PPARGC1A: variants seen among roughly 807,000 people sequenced by gnomAD.
PPARGC1A encodes PPARG coactivator 1 alpha.
PPARGC1A carries 25 observed loss-of-function variants against 88.7 expected under a neutral mutation model. The observed-to-expected ratio is 0.28, with a 90% CI of 0.21 to 0.39. The LOEUF (loss-of-function observed/expected upper bound fraction) is 0.39, where lower values mean the gene tolerates loss of function less well. Ranked by LOEUF, PPARGC1A falls within the 10% of genes least tolerant of loss-of-function variation. PPARGC1A has a pLI of 1.00. For synonymous variants in PPARGC1A, 363 were observed against 355.6 expected (o/e 1.02, Z -0.24); for missense variants, 880 against 968.7 (o/e 0.91, Z 1.22).
At chr4:24,024,638 C>T in the PPARGC1A span, among the ~76,000 whole-genome samples, 4 of 152,140 alleles carry the variant, frequency 2.6e-5, no homozygotes, top group Admixed American at 1.3e-4. Context: ...CAGACTTTAA[C>T]GGTTCTCTGG....
chr4:24,462,552 G>C, the PPARGC1A span, among the ~76,000 whole-genome samples: 1 of 152,006 alleles, frequency 6.6e-6, no homozygotes, highest in South Asian at 2.1e-4. Context: ...TGTGACCTTG[G>C]CTACGTTACT....
At chr4:23,961,077 G>A in the PPARGC1A span, among the ~76,000 whole-genome samples, 13 of 152,112 alleles carry the variant, frequency 8.5e-5, no homozygotes, top group East Asian at 1.9e-4. Flanking sequence ...TCTAGAAAGC[G>A]CTTTTAAAAA....
the PPARGC1A span, among the ~76,000 whole-genome samples, chr4:24,035,167 G>A: frequency 1.3e-5 from 2 of 152,174 alleles, no homozygotes; most frequent in Non-Finnish European, 2.9e-5. Flanking sequence ...CCATAGGCAT[G>A]TAATAGTATG....
the PPARGC1A span, among the ~76,000 whole-genome samples, chr4:24,031,788 C>A: frequency 5.3e-5 from 8 of 152,156 alleles, no homozygotes; most frequent in Non-Finnish European, 1.0e-4. Flanking sequence ...ATGATAGTTC[C>A]CCTGGTAATC....
the PPARGC1A span, among the ~76,000 whole-genome samples, chr4:24,031,647 A>C: frequency 6.6e-6 from 1 of 152,124 alleles, no homozygotes; most frequent in Non-Finnish European, 1.5e-5. Flanking sequence ...ACATTGTTCG[A>C]TGTTTAACAT....
chr4:24,224,313 A>G, the PPARGC1A span, among the ~76,000 whole-genome samples: 1 of 152,340 alleles, frequency 6.6e-6, no homozygotes, highest in Admixed American at 6.5e-5. Flanking sequence ...AGGTACTCAA[A>G]AATGGGAAAG....
At chr4:24,116,383 G>A in the PPARGC1A span, among the ~76,000 whole-genome samples, 1 of 152,134 alleles carries the variant, frequency 6.6e-6, no homozygotes, top group East Asian at 1.9e-4. Flanking sequence ...ATATACACGT[G>A]AACTTCAGGT....
the PPARGC1A span, among the ~76,000 whole-genome samples, chr4:24,210,596 G>A: frequency 7.9e-5 from 12 of 152,154 alleles, no homozygotes; most frequent in Non-Finnish European, 1.3e-4. Context: ...CACTGACCAC[G>A]CAGAGGGGCA....
the PPARGC1A span, among the ~76,000 whole-genome samples, chr4:23,996,729 A>C: frequency 6.6e-6 from 1 of 152,246 alleles, no homozygotes; most frequent in Non-Finnish European, 1.5e-5. Flanking sequence ...CCAATATTTT[A>C]GGTATACAAT....
At chr4:24,151,861 T>C in the PPARGC1A span, among the ~76,000 whole-genome samples, 4 of 152,250 alleles carry the variant, frequency 2.6e-5, no homozygotes, top group South Asian at 8.3e-4. Context: ...AAGTACCTCA[T>C]ACTTAGGCAG....
At chr4:24,091,928 T>TACACACACACACACACACACACACAC in the PPARGC1A span, among the ~76,000 whole-genome samples, 145 of 147,832 alleles carry the variant, frequency 9.8e-4, no homozygotes, top group African/African-American at 3.4e-3. Flanking sequence ...CTTGCCCCAA[T>TACACACACACACACACACACACACAC]ACACACACAC....
chr4:23,820,920 T>G (rs1303516800), intron 7 of PPARGC1A, among the ~76,000 whole-genome samples: 1 of 152,158 alleles, frequency 6.6e-6, no homozygotes, highest in East Asian at 1.9e-4. Context: ...GGGTCACTTC[T>G]GCTGCTGCAG....
At chr4:23,850,678 T>C (rs1278916965) in intron 2 of PPARGC1A, among the ~76,000 whole-genome samples, 2 of 152,156 alleles carry the variant, frequency 1.3e-5, no homozygotes, top group East Asian at 1.9e-4. Context: ...TGCTGTGCAC[T>C]AGGGATACTG....
chr4:23,811,974 G>A (rs1327240182), intron 10 of PPARGC1A, among the ~76,000 whole-genome samples: 10 of 120,858 alleles, frequency 8.3e-5, no homozygotes, highest in East Asian at 2.6e-4. Flanking sequence ...CTGGAGTTCC[G>A]TGGTGCGATC....
At chr4:24,007,825 G>T in the PPARGC1A span, among the ~76,000 whole-genome samples, 1 of 152,080 alleles carries the variant, frequency 6.6e-6, no homozygotes, top group Non-Finnish European at 1.5e-5. Context: ...GGGTTCCTTG[G>T]AGGGTGCAGG....
chr4:24,271,886 G>A, the PPARGC1A span, among the ~76,000 whole-genome samples: 5 of 152,100 alleles, frequency 3.3e-5, no homozygotes, highest in Non-Finnish European at 7.3e-5. Flanking sequence ...AGATAGACAT[G>A]TATGTATATA....
At chr4:23,870,716 C>T (rs543881061) in intron 2 of PPARGC1A, among the ~76,000 whole-genome samples, 1 of 152,220 alleles carries the variant, frequency 6.6e-6, no homozygotes, top group South Asian at 2.1e-4. Flanking sequence ...AGTTTGGCTT[C>T]TCAGAGACAT....
intron 2 of PPARGC1A, among the ~76,000 whole-genome samples, chr4:23,873,737 C>T (rs1024154305): frequency 4.6e-5 from 7 of 151,970 alleles, no homozygotes; most frequent in Admixed American, 4.6e-4. Context: ...AGAAAGCTTG[C>T]CAGAGTATAG....
chr4:24,182,439 A>G, the PPARGC1A span, among the ~76,000 whole-genome samples: 2 of 152,156 alleles, frequency 1.3e-5, no homozygotes, highest in Non-Finnish European at 2.9e-5. Context: ...GCTATTGTAA[A>G]TAGTTCTGCA....
Sources: gnomAD v4.1 joint callset for allele counts (sites outside exome capture counted in the v4.1 genomes callset) on GRCh38, gnomAD v4.1.1 for gene constraint, MANE v1.5 for transcripts, NCBI Gene and HGNC (gene_info 2026-07-23, HGNC 2026-07-21) for gene names.